Variants in PML observed in about 807,000 individuals in gnomAD.
PML encodes the protein PML nuclear body scaffold, also known as protein PML.
PML carries 28 observed loss-of-function variants against 65.2 expected under a neutral mutation model. That is an observed-to-expected ratio of 0.43 (90% CI 0.32 to 0.59). The LOEUF (loss-of-function observed/expected upper bound fraction) is 0.59. Among genes scored for constraint, PML ranks in the 20% least tolerant of loss-of-function variants. PML has a pLI of 0.08. For synonymous variants in PML, 500 were observed against 508.8 expected (o/e 0.98, Z 0.23); for missense variants, 1,021 against 1,203.4 (o/e 0.85, Z 2.24).
rs2071716516 is a variant in PML at position 74,042,428 on chromosome 15, T to C, written c.1711-561T>C. ...AAGAAAAGGCAGGCTCCCGACCCCT[T>C]CCAAAGAATCATCTGGGGTTCAAGA... is the stretch of plus-strand genomic sequence containing the variant. On this transcript the variant is annotated intron_variant, in intron 7 of 8. Coordinates refer to ENST00000268058, the MANE Select transcript of PML (RefSeq NM_033238.3). The surrounding 1 kb of genome is among the most constrained non-coding windows in gnomAD (Gnocchi z 5.3). The C allele has an allele frequency of 2.3e-5, 23 of 985,372 alleles. No individual in the cohort carries two copies. The highest frequency in any genetic ancestry group is 2.5e-5 in the Non-Finnish European group (21 of 829,906). 61.0% of individuals were successfully genotyped at this position (985,372 alleles called of 1,614,324 possible). A position where few individuals can be genotyped will look rare whatever the true frequency, so the allele number is the denominator to read the frequency against.
Position 74,042,794 on chromosome 15 carries a change from C to T in PML, c.1711-195C>T, listed in dbSNP as rs2071722802. On this transcript the variant is annotated intron_variant, in intron 7 of 8. Coordinates refer to ENST00000268058, the MANE Select transcript of PML (RefSeq NM_033238.3). The surrounding 1 kb of genome is among the most constrained non-coding windows in gnomAD (Gnocchi z 5.3). ...GTATGCCCTGGTTCATACATGTAAC[C>T]CTCACATGTGACACACCCAGTTCAC... 6 of 985,146 alleles carry T rather than the reference C, an allele frequency of 6.1e-6. 2 individuals are homozygous for T. The South Asian group carries it at 2.8e-4, about 46-fold the overall frequency. The allele number at this position is 985,146 out of a possible 1,614,324, so 61.0% of individuals were successfully genotyped here. A position where few individuals can be genotyped will look rare whatever the true frequency, so the allele number is the denominator to read the frequency against.
intron 2 of PML, among the ~76,000 whole-genome samples, chr15:74,010,611 C>A (rs890246286): frequency 2.4e-4 from 36 of 152,048 alleles, no homozygotes; most frequent in Admixed American, 2.6e-4. Flanking sequence ...CGCCAGCCAG[C>A]CAGACAGCCA....
At position 74,032,506 on chromosome 15, in the gene PML, G is replaced by T. The variant is rs757371029; in HGVS notation, c.1255-66G>T. The stretch of plus-strand genomic sequence containing the variant: ...GCCCCAGGGATTAGGCCAACCACAG[G>T]TCTGGGGTACCTGGCCCTGGGGCTG... On this transcript the variant is annotated intron_variant, in intron 4 of 8. Transcript: ENST00000268058. 1.9e-6 allele frequency: 3 copies of T among 1,587,220 alleles called. No homozygotes were observed. The African/African-American group carries it at 4.0e-5, about 21-fold the overall frequency.
At chr15:74,036,755 C>A (rs1324475266) in intron 7 of PML, among the ~76,000 whole-genome samples, 2 of 152,116 alleles carry the variant, frequency 1.3e-5, no homozygotes, top group Non-Finnish European at 2.9e-5. Context: ...TGAGTGACTT[C>A]TATTTCCACC....
chr15:74,024,634 A>G (rs1006461824), intron 3 of PML, among the ~76,000 whole-genome samples: 2 of 152,116 alleles, frequency 1.3e-5, no homozygotes, highest in Non-Finnish European at 2.9e-5. Flanking sequence ...CAAGCACTCT[A>G]ATGCCACCTC....
At chr15:74,034,449 C>A in intron 6 of PML, 29 bp from the exon 7 acceptor site, 2 of 1,614,144 alleles carry the variant, frequency 1.2e-6, no homozygotes, top group Non-Finnish European at 1.7e-6. Flanking sequence ...CTAGGCAGTT[C>A]ATAATGCATC....
chr15:74,011,034 T>G (rs1357175198), intron 2 of PML, among the ~76,000 whole-genome samples: 1 of 152,238 alleles, frequency 6.6e-6, no homozygotes, highest in Non-Finnish European at 1.5e-5. Flanking sequence ...GCCTCTGACC[T>G]GACCAATTAG....
At chr15:74,010,185 A>ATTTTTTTTTTTTTTTTTTTTT (rs536738558) in intron 2 of PML, among the ~76,000 whole-genome samples, 10 of 77,938 alleles carry the variant, frequency 1.3e-4, no homozygotes, top group Non-Finnish European at 2.1e-4. Context: ...TGCCCAGCTA[A>ATTTTTTTTTTTTTTTTTTTTT]TTTTTTTTTT....
intron 2 of PML, among the ~76,000 whole-genome samples, chr15:74,009,046 G>A (rs2141764424): frequency 6.6e-6 from 1 of 152,294 alleles, no homozygotes; most frequent in East Asian, 1.9e-4. Context: ...CAAGAATGCA[G>A]AGATGGAGGG....
chr15:73,999,035 G>T (rs1011812420), intron 2 of PML, among the ~76,000 whole-genome samples: 1 of 152,160 alleles, frequency 6.6e-6, no homozygotes, highest in African/African-American at 2.4e-5. Context: ...TTTTTAATAG[G>T]TAATACATTC....
chr15:74,014,414 C>T (rs1023785176), intron 2 of PML, among the ~76,000 whole-genome samples: 7 of 151,802 alleles, frequency 4.6e-5, no homozygotes, highest in African/African-American at 1.7e-4. Flanking sequence ...TCACTGCAAC[C>T]TCTGCCTCCT....
chr15:74,017,967 T>G (rs1055533172), intron 2 of PML, among the ~76,000 whole-genome samples: 2 of 152,142 alleles, frequency 1.3e-5, no homozygotes, highest in Non-Finnish European at 2.9e-5. Flanking sequence ...AGACTCTGTC[T>G]CTATAAAATT....
In PML at chr15:73,998,075, G is replaced by A. The variant is rs374118853; in HGVS notation, c.201G>A (p.Pro67=). The A allele has an allele frequency of 6.8e-6, 11 of 1,613,592 alleles. No individual in the cohort carries two copies. Among genetic ancestry groups the A allele is most frequent in the South Asian group, 1.1e-5 (1 of 91,054 alleles). Residue 67 remains proline (P), a synonymous_variant, in exon 2 of 9, where the codon CCG becomes CCA. Transcript: ENST00000268058. ...CQQCQAEAKC[P]KLLPCLHTLC... is the part of the protein sequence containing the mutation. ...AATGCCAGGCGGAAGCCAAGTGCCC[G>A]AAGCTGCTGCCTTGTCTGCACACGC... is the stretch of plus-strand genomic sequence containing the variant.
At position 74,044,601 on chromosome 15, in the gene PML, C is replaced by T. The variant is rs376928603; in HGVS notation, c.2242C>T (p.Leu748=). 21 of 1,608,304 alleles carry T rather than the reference C, an allele frequency of 1.3e-5. No individual in the cohort carries two copies. In the African/African-American group the frequency reaches 2.8e-4, roughly 21 times the overall value. Reference sequence around the variant, plus strand: ...CGAGCGCAGCGCCATGGCTGCCGTGCTGGCCATGCGTGACCTGTGCCGCCT... The same window carrying T: ...CGAGCGCAGCGCCATGGCTGCCGTGTTGGCCATGCGTGACCTGTGCCGCCT... ...MSERSAMAAV[L]AMRDLCRLLE... The change falls in exon 9 of 9, where the codon CTG becomes TTG. Residue 748 remains leucine, a synonymous_variant. Coordinates refer to ENST00000268058, the MANE Select transcript of PML (RefSeq NM_033238.3).
chr15:74,030,544 G>A (rs1333444887), intron 4 of PML, among the ~76,000 whole-genome samples: 1 of 152,168 alleles, frequency 6.6e-6, no homozygotes, highest in African/African-American at 2.4e-5. Context: ...AGCTACTTAG[G>A]AGGCTAAGGC....
rs749594211 is a variant in PML at position 74,042,840 on chromosome 15, C to T, written c.1711-149C>T. ...TTCACACCCATTCATGCACACATAC[C>T]TTCTCTTGTGCACACGTCCCCTTTC... On this transcript the variant is annotated intron_variant, in intron 7 of 8. Transcript: ENST00000268058. The surrounding 1 kb of genome is among the most constrained non-coding windows in gnomAD (Gnocchi z 5.3). The T allele has an allele frequency of 1.3e-6, 2 of 1,544,982 alleles. No individual in the cohort carries two copies. The highest frequency in any genetic ancestry group is 1.7e-6 in the Non-Finnish European group (2 of 1,151,926).
chr15:74,033,277 A>G lies in PML; in HGVS notation c.1520A>G (p.Glu507Gly). The G allele has an allele frequency of 6.2e-7, 1 of 1,614,230 alleles. No homozygotes were observed. Among genetic ancestry groups the G allele is most frequent in the Non-Finnish European group, 8.5e-7 (1 of 1,180,020 alleles). Residue 507 changes from glutamate (E) to glycine (G), a missense_variant, in exon 6 of 9, where the codon GAG becomes GGG. Coordinates refer to ENST00000268058, the MANE Select transcript of PML (RefSeq NM_033238.3). Reference sequence around the variant, plus strand: ...GCAAGGTTGGCTCGGAGCTCCCCGGAGCAGCCCAGGCCCAGCACCTCCAAG... The same window carrying G: ...GCAAGGTTGGCTCGGAGCTCCCCGGGGCAGCCCAGGCCCAGCACCTCCAAG... The part of the protein sequence containing the change: ...KEARLARSSP[E>G]QPRPSTSKAV...
Position 74,035,240 on chromosome 15 carries a change from G to C in PML, c.1710+710G>C. On this transcript the variant is annotated intron_variant, in intron 7 of 8. Transcript: ENST00000268058. This position sits in a 1 kb window ranked among gnomAD's most constrained non-coding sequence, Gnocchi z 4.1. ...CCCACTCCTCGCCAGCCCACTCCTC[G>C]CCAGCCCACTCCTCGCCAGTCCAGT... 6.2e-7 allele frequency: 1 copy of C among 1,607,842 alleles called. No homozygotes were observed. Among genetic ancestry groups the C allele is most frequent in the Non-Finnish European group, 8.5e-7 (1 of 1,174,954 alleles).
Position 74,034,519 on chromosome 15 carries a change from G to A in PML, c.1699G>A (p.Ala567Thr), listed in dbSNP as rs762767132. ...VVISSSEDSDAENSSSRELDD... is the reference protein window; with the variant it reads ...VVISSSEDSDTENSSSRELDD... ...GATCAGCAGCTCGGAAGACTCAGAT[G>A]CCGAAAACTCGGTGAGTGGCCCAGA... Residue 567 changes from alanine (A) to threonine (T), a missense_variant, in exon 7 of 9, where the codon GCC becomes ACC. Transcript: ENST00000268058. 1.2e-6 allele frequency: 2 copies of A among 1,614,182 alleles called. No individual in the cohort carries two copies. The highest frequency in any genetic ancestry group is 1.7e-6 in the Non-Finnish European group (2 of 1,180,030).
Sources: gnomAD v4.1 joint callset for allele counts (sites outside exome capture counted in the v4.1 genomes callset) on GRCh38, gnomAD v4.1.1 for gene constraint, Gnocchi (gnomAD v3.1) non-coding constraint, MANE v1.5 for transcripts, NCBI Gene and HGNC (gene_info 2026-07-23, HGNC 2026-07-21) for gene names.